The following ADPRHL1 variants were observed in gnomAD, a reference collection of about 807,000 sequenced individuals.
The protein encoded by ADPRHL1 is ADP-ribosylhydrolase like 1.
A neutral mutation model predicts 44.1 loss-of-function variants in ADPRHL1; 43 were observed. The observed-to-expected ratio is 0.98, with a 90% CI of 0.76 to 1.26. The LOEUF (loss-of-function observed/expected upper bound fraction) is 1.26, where lower values mean the gene tolerates loss of function less well. ADPRHL1 is among the 50% of genes most tolerant of loss of function. The pLI, the probability that ADPRHL1 is intolerant of heterozygous loss-of-function variation, is 0.00. For missense variants in ADPRHL1, 2,022 were observed against 2,496.9 expected, an observed-to-expected ratio of 0.81 and a Z score of 4.05; for synonymous variants, 878 against 1,017.4, an observed-to-expected ratio of 0.86 and a Z score of 2.61.
chr13:113,428,433 C>G (rs1025146620), intron 4 of ADPRHL1, among the ~76,000 whole-genome samples: 1 of 152,228 alleles, frequency 6.6e-6, no homozygotes, highest in Non-Finnish European at 1.5e-5. Flanking sequence ...CCTGCCGCCC[C>G]CTCCCCTCTT....
Position 113,404,223 on chromosome 13 carries a change from G to T in ADPRHL1, c.5059C>A (p.Arg1687=), listed in dbSNP as rs1052763695. 9 of 1,253,478 alleles carry T rather than the reference G, an allele frequency of 7.2e-6. No homozygotes were observed. The highest frequency in any genetic ancestry group is 3.1e-4 in the Middle Eastern group (1 of 3,196). 77.6% of individuals were successfully genotyped at this position (1,253,478 alleles called of 1,614,324 possible). Residue 1687 remains arginine (R), a synonymous_variant, in exon 8 of 8, where the codon CGG becomes AGG. Coordinates refer to ENST00000612156, the MANE Select transcript of ADPRHL1 (RefSeq NM_001394807.1). ...CCTTTCTGGGCCTGTTCCCGAGCCC[G>T]TTCCTGAGCCCCTTTCTGGGCCTGT... ...REQAQKGAQE[R]AREQAQKGAQ...
chr13:113,429,239 T>A, intron 3 of ADPRHL1, 147 bp from the exon 4 acceptor site: 3 of 1,068,326 alleles, frequency 2.8e-6, no homozygotes, highest in Non-Finnish European at 4.0e-6. Flanking sequence ...TCGGCGGCAT[T>A]AACCACGTTC....
intron 7 of ADPRHL1, among the ~76,000 whole-genome samples, chr13:113,414,184 C>T (rs943664037): frequency 2.0e-5 from 3 of 152,214 alleles, no homozygotes; most frequent in African/African-American, 7.2e-5. Flanking sequence ...AACTGTCTGG[C>T]TGTTCCAGGA....
rs775070717 is a variant in ADPRHL1 at position 113,433,788 on chromosome 13, G to A, written c.459C>T (p.Ile153=). ...YWKPERLETL[I]EVSVECGRMT... is the part of the protein sequence containing the mutation. The stretch of plus-strand genomic sequence containing the variant: ...TCCGGCCGCACTCCACGCTGACCTC[G>A]ATGAGGGTCTCCAGCCGCTCAGGCT... Residue 153 remains isoleucine, a synonymous_variant, in exon 3 of 8, where the codon ATC becomes ATT. Transcript: ENST00000612156. 1.9e-6 allele frequency: 3 copies of A among 1,593,214 alleles called. No individual in the cohort carries two copies. Among genetic ancestry groups the A allele is most frequent in the South Asian group, 1.1e-5 (1 of 87,788 alleles).
chr13:113,424,419 C>A, intron 5 of ADPRHL1, 70 bp from the exon 6 acceptor site: 2 of 1,586,480 alleles, frequency 1.3e-6, no homozygotes, highest in South Asian at 1.1e-5. Context: ...ACAGCACAAG[C>A]TTTCTGGGCC....
rs148093983 is a variant in ADPRHL1 at position 113,432,825 on chromosome 13, C to G, written c.505+917G>C. ...GAGGCTAGCGTGGCTGTTGGATGTG[C>G]GTGGGACTGGGCGGTGCCAGGACTA... On this transcript the variant is annotated intron_variant, in intron 3 of 7. Coordinates refer to ENST00000612156, the MANE Select transcript of ADPRHL1 (RefSeq NM_001394807.1). Among the ~76,000 whole-genome samples the G allele has an allele frequency of 1.3e-4, 20 of 152,296 alleles. No homozygotes were observed. In the East Asian group the frequency reaches 3.9e-3, roughly 29 times the overall value.
intron 7 of ADPRHL1, among the ~76,000 whole-genome samples, chr13:113,411,944 G>A (rs1188292705): frequency 3.3e-5 from 5 of 152,144 alleles, no homozygotes; most frequent in South Asian, 2.1e-4. Context: ...AAAGTCCTGC[G>A]CCCACCGCCC....
At position 113,406,199 on chromosome 13, in the gene ADPRHL1, G is replaced by T; in HGVS notation, c.3083C>A (p.Pro1028Gln). The change falls in exon 8 of 8, where the codon CCG (proline) becomes CAG (glutamine). Residue 1028 changes from proline (P) to glutamine (Q), a missense_variant. Around this residue, in one of 8 missense-constraint regions of ADPRHL1, gnomAD observed 1,221 missense variants for 1,517.8 expected, o/e 0.80. Coordinates refer to ENST00000612156, the MANE Select transcript of ADPRHL1 (RefSeq NM_001394807.1). ...TGTTGGGTTTCTCCCAGTCGGGGAC[G>T]GCACTTGCTGGCTGCTGGAGGCATG... Reference protein sequence around the residue: ...TSHASSSQQVPSPTGRNPTGA... With the variant: ...TSHASSSQQVQSPTGRNPTGA... 1.1e-5 allele frequency: 14 copies of T among 1,232,154 alleles called. No homozygotes were observed. The highest frequency in any genetic ancestry group is 1.4e-5 in the Non-Finnish European group (14 of 988,014). 76.3% of individuals were successfully genotyped at this position (1,232,154 alleles called of 1,614,324 possible). A position where few individuals can be genotyped will look rare whatever the true frequency, so the allele number is the denominator to read the frequency against.
chr13:113,424,026 G>A lies in ADPRHL1; in HGVS notation c.907+191C>T, dbSNP rs537604938. 3.9e-5 allele frequency among the ~76,000 whole-genome samples: 6 copies of A among 152,286 alleles called. No individual in the cohort carries two copies. In the South Asian group the frequency reaches 1.0e-3, roughly 26 times the overall value. The stretch of plus-strand genomic sequence containing the variant: ...TCCTGTAATGTCCTCACATGAGCAC[G>A]CTTAGGTCAGCAGGTATACCCTGGA... On this transcript the variant is annotated intron_variant, in intron 6 of 7. Coordinates refer to ENST00000612156, the MANE Select transcript of ADPRHL1 (RefSeq NM_001394807.1).
At chr13:113,418,175 C>CA (rs2139610212) in intron 7 of ADPRHL1, among the ~76,000 whole-genome samples, 1 of 152,318 alleles carries the variant, frequency 6.6e-6, no homozygotes, top group South Asian at 2.1e-4. Context: ...GAGAAATACT[C>CA]AGACCCCCTG....
chr13:113,446,781 T>C (rs530296273), intron 1 of ADPRHL1, among the ~76,000 whole-genome samples: 2 of 152,056 alleles, frequency 1.3e-5, no homozygotes, highest in African/African-American at 4.8e-5. Flanking sequence ...CATACAGGCA[T>C]GGCTTTGTCT....
chr13:113,450,278 G>T (rs892752853), intron 1 of ADPRHL1, among the ~76,000 whole-genome samples: 3 of 152,150 alleles, frequency 2.0e-5, no homozygotes, highest in Admixed American at 1.3e-4. Context: ...GTTATTTAAA[G>T]AACAAAGATA....
At chr13:113,452,664 C>T (rs9604119) in intron 1 of ADPRHL1, among the ~76,000 whole-genome samples, 36,816 of 152,014 alleles carry the variant, frequency 0.24, 5,461 homozygotes, top group African/African-American at 0.41. Flanking sequence ...TTTCTTAGAA[C>T]ACATTTGTGT....
intron 1 of ADPRHL1, among the ~76,000 whole-genome samples, chr13:113,451,685 G>T (rs2044180147): frequency 6.6e-6 from 1 of 152,138 alleles, no homozygotes; most frequent in Non-Finnish European, 1.5e-5. Context: ...GTGGGCACCT[G>T]TAGCCCCAGC....
chr13:113,429,513 G>C (rs1261289909), intron 3 of ADPRHL1, among the ~76,000 whole-genome samples: 1 of 152,268 alleles, frequency 6.6e-6, no homozygotes, highest in African/African-American at 2.4e-5. Flanking sequence ...CTCCGCGGCT[G>C]AATCGCATTC....
rs1477547627 is a variant in ADPRHL1, at chr13:113,406,768, C to A, written c.2514G>T (p.Thr838=). ...TTTGGACAGTTATCCGTGGAGGCTCCGTGGCAGGCTGTGTTCTCCGAGCAG... is the reference window on the plus strand; with the variant it reads ...TTTGGACAGTTATCCGTGGAGGCTCAGTGGCAGGCTGTGTTCTCCGAGCAG... ...VQAARRTQPA[T]EPPRITVQIP... is the part of the protein sequence containing the mutation. Residue 838 remains threonine (T), a synonymous_variant, in exon 8 of 8, where the codon ACG becomes ACT. Transcript: ENST00000612156. 5 of 1,231,844 alleles carry A rather than the reference C, an allele frequency of 4.1e-6. No individual in the cohort carries two copies. The highest frequency in any genetic ancestry group is 5.1e-6 in the Non-Finnish European group (5 of 987,986). 76.3% of individuals were successfully genotyped at this position (1,231,844 alleles called of 1,614,324 possible). A position where few individuals can be genotyped will look rare whatever the true frequency, so the allele number is the denominator to read the frequency against.
chr13:113,424,235 G>A lies in ADPRHL1; in HGVS notation c.889C>T (p.Arg297Trp), dbSNP rs764921219. ...ATCTCACCTCCATGAAACATGGCCC[G>A]GTGACACAGCTCAGTCCAGCTGTTT... ...AGNSWTELCH[R>W]AMFHGGESAA... Residue 297 changes from arginine (R) to tryptophan (W), a missense_variant, in exon 6 of 8, where the codon CGG becomes TGG. Transcript: ENST00000612156. The A allele has an allele frequency of 2.9e-5, 46 of 1,612,688 alleles. No individual in the cohort carries two copies. In the East Asian group the frequency reaches 5.6e-4, roughly 20 times the overall value.
chr13:113,422,799 G>A, intron 7 of ADPRHL1, 27 bp downstream of exon 7: 2 of 1,612,546 alleles, frequency 1.2e-6, no homozygotes, highest in African/African-American at 1.3e-5. Flanking sequence ...CGGCTCTCTA[G>A]GGGGAAAGTG....
At position 113,453,096 on chromosome 13, in the gene ADPRHL1, C is replaced by T. The variant is rs1178429871; in HGVS notation, c.214+128G>A. 1.1e-5 allele frequency: 10 copies of T among 946,736 alleles called. No individual in the cohort carries two copies. The highest frequency in any genetic ancestry group is 5.2e-5 in the East Asian group (2 of 38,130). 58.6% of individuals were successfully genotyped at this position (946,736 alleles called of 1,614,324 possible). ...CAGATTAAATTGCCACTTTTAGCAG[C>T]GGTATCAGGTAACACCATCCGCTGA... On this transcript the variant is annotated intron_variant, in intron 1 of 7. Transcript: ENST00000612156. This position sits in a 1 kb window ranked among gnomAD's most constrained non-coding sequence, Gnocchi z 5.4.
Sources: gnomAD v4.1 joint callset for allele counts (sites outside exome capture counted in the v4.1 genomes callset) on GRCh38, gnomAD v4.1.1 for gene constraint, gnomAD v4.1.1 regional missense constraint, Gnocchi (gnomAD v3.1) non-coding constraint, MANE v1.5 for transcripts, NCBI Gene and HGNC (gene_info 2026-07-23, HGNC 2026-07-21) for gene names.